CELF4: variants seen among roughly 807,000 people sequenced by gnomAD.
The protein encoded by CELF4 is CUG-BP- and ETR-3-like factor 4.
CELF4 carries 18 observed loss-of-function variants against 59.9 expected under a neutral mutation model. That is an observed-to-expected ratio of 0.30 (90% CI 0.21 to 0.45). CELF4 has a LOEUF of 0.45. Among genes scored for constraint, CELF4 ranks in the 20% least tolerant of loss-of-function variants. CELF4 has a pLI of 1.00. For missense variants in CELF4, 456 were observed against 689.0 expected, an observed-to-expected ratio of 0.66 and a Z score of 3.79; for synonymous variants, 261 against 267.1, an observed-to-expected ratio of 0.98 and a Z score of 0.22.
intron 1 of CELF4, among the ~76,000 whole-genome samples, chr18:37,503,294 GC>G (rs760921433): frequency 2.6e-5 from 4 of 152,246 alleles, no homozygotes; most frequent in Non-Finnish European, 4.4e-5. Flanking sequence ...AGCACTTGCA[GC>G]CAGAGAATAG....
At chr18:37,526,880 A>AC (rs58184451) in intron 1 of CELF4, among the ~76,000 whole-genome samples, 135,015 of 151,768 alleles carry the variant, frequency 0.89, 60,485 homozygotes, top group East Asian at 0.97. Flanking sequence ...CATTATGAAA[A>AC]CTCGATTTGC....
At chr18:37,535,264 A>T (rs1241942533) in intron 1 of CELF4, among the ~76,000 whole-genome samples, 1 of 152,252 alleles carries the variant, frequency 6.6e-6, no homozygotes, top group Non-Finnish European at 1.5e-5. Flanking sequence ...TTTAGATTAA[A>T]ATCTACATGA....
At chr18:37,506,179 C>A (rs1464894240) in intron 1 of CELF4, among the ~76,000 whole-genome samples, 1 of 152,136 alleles carries the variant, frequency 6.6e-6, no homozygotes, top group Admixed American at 6.5e-5. Flanking sequence ...TTGAAGCCCG[C>A]GATGCTCCTG....
At chr18:37,499,192 G>C (rs937673562) in intron 1 of CELF4, among the ~76,000 whole-genome samples, 6 of 152,200 alleles carry the variant, frequency 3.9e-5, no homozygotes, top group South Asian at 2.1e-4. Flanking sequence ...TTTGCTTAGA[G>C]AGTCTAGGAT....
rs1470498261 is a variant in CELF4 at position 37,565,573 on chromosome 18, G to C, written c.69C>G (p.Leu23=). Residue 23 remains leucine, a synonymous_variant, in exon 1 of 13, where the codon CTC becomes CTG. Coordinates refer to ENST00000420428, the MANE Select transcript of CELF4 (RefSeq NM_020180.4). ...ADNASLSTNG[L]GSSPGSAGHM... The stretch of plus-strand genomic sequence containing the variant: ...GCCCGGCACTGCCCGGGCTGCTGCC[G>C]AGCCCGTTGGTACTGAGGCTTGCGT... The C allele has an allele frequency of 1.2e-6, 2 of 1,614,090 alleles. No homozygotes were observed. The highest frequency in any genetic ancestry group is 2.2e-5 in the South Asian group (2 of 91,056).
At chr18:37,325,183 A>G (rs2097263936) in intron 2 of CELF4, among the ~76,000 whole-genome samples, 1 of 152,066 alleles carries the variant, frequency 6.6e-6, no homozygotes, top group African/African-American at 2.4e-5. Flanking sequence ...GCCATTCCTG[A>G]GGCAGGAGAC....
At chr18:37,297,574 T>A (rs2095730447) in intron 3 of CELF4, among the ~76,000 whole-genome samples, 1 of 152,168 alleles carries the variant, frequency 6.6e-6, no homozygotes, top group South Asian at 2.1e-4. Flanking sequence ...TTACAAACAG[T>A]GACATGCGTA....
In CELF4 at chr18:37,243,864, G is replaced by A. The variant is rs1018446456; in HGVS notation, c.*1378C>T. 2 of 180,688 alleles carry A rather than the reference G, an allele frequency of 1.1e-5. No homozygotes were observed. The highest frequency in any genetic ancestry group is 1.2e-5 in the Non-Finnish European group (1 of 85,696). The allele number at this position is 180,688 out of a possible 1,614,324, so 11.2% of individuals were successfully genotyped here. A position where few individuals can be genotyped will look rare whatever the true frequency, so the allele number is the denominator to read the frequency against. ...GGAAGGCGAGTGAAGCGGAAGGTGA[G>A]TGAAGCGCGCGCAGCTCCCAGAGGG... On this transcript the variant is annotated 3_prime_UTR_variant, in exon 13 of 13. Coordinates refer to ENST00000420428, the MANE Select transcript of CELF4 (RefSeq NM_020180.4).
chr18:37,265,356 T>A (rs1293202012), intron 9 of CELF4, among the ~76,000 whole-genome samples: 1 of 152,162 alleles, frequency 6.6e-6, no homozygotes, highest in African/African-American at 2.4e-5. Context: ...ACCACATGTG[T>A]GCATAACACA....
intron 10 of CELF4, among the ~76,000 whole-genome samples, chr18:37,264,329 A>G (rs1450039961): frequency 6.6e-6 from 1 of 152,228 alleles, no homozygotes; most frequent in South Asian, 2.1e-4. Context: ...TCATAGACCA[A>G]GGTTTTGATA....
intron 2 of CELF4, among the ~76,000 whole-genome samples, chr18:37,405,407 C>G (rs1342837799): frequency 6.6e-6 from 1 of 152,212 alleles, no homozygotes; most frequent in Non-Finnish European, 1.5e-5. Flanking sequence ...GTAACCATCC[C>G]GCCACCTCTG....
chr18:37,370,466 G>A (rs1045425488), intron 2 of CELF4, among the ~76,000 whole-genome samples: 5 of 152,026 alleles, frequency 3.3e-5, no homozygotes, highest in African/African-American at 4.8e-5. Flanking sequence ...TCTCTACAAG[G>A]GAACTTTGAG....
Position 37,253,981 on chromosome 18 carries a change from C to A in CELF4, c.1334-43G>T, listed in dbSNP as rs371854192. On this transcript the variant is annotated intron_variant, in intron 11 of 12. Coordinates refer to ENST00000420428, the MANE Select transcript of CELF4 (RefSeq NM_020180.4). This position sits in a 1 kb window ranked among gnomAD's most constrained non-coding sequence, Gnocchi z 4.5. ...ACGAGGGCCTGGGTTTCCACGGGGCCGCCCGGGGCGCTGCCGGCGGGGAGG... is the reference window on the plus strand; with the variant it reads ...ACGAGGGCCTGGGTTTCCACGGGGCAGCCCGGGGCGCTGCCGGCGGGGAGG... 96 of 1,498,688 alleles carry A rather than the reference C, an allele frequency of 6.4e-5. No homozygotes were observed. Among genetic ancestry groups the A allele is most frequent in the Non-Finnish European group, 8.4e-5 (93 of 1,113,546 alleles). 92.8% of individuals were successfully genotyped at this position (1,498,688 alleles called of 1,614,324 possible).
intron 2 of CELF4, among the ~76,000 whole-genome samples, chr18:37,466,958 C>T (rs531638130): frequency 4.4e-4 from 67 of 152,142 alleles, no homozygotes; most frequent in Non-Finnish European, 8.7e-4. Context: ...CACATGCTCA[C>T]GGGTGGGGGA....
chr18:37,450,190 A>G (rs1202958342), intron 2 of CELF4, among the ~76,000 whole-genome samples: 1 of 152,050 alleles, frequency 6.6e-6, no homozygotes, highest in Non-Finnish European at 1.5e-5. Context: ...ATGGGAGTAC[A>G]TGTGGGTATA....
At chr18:37,384,371 G>T (rs951187854) in intron 2 of CELF4, among the ~76,000 whole-genome samples, 1 of 152,154 alleles carries the variant, frequency 6.6e-6, no homozygotes, top group Admixed American at 6.5e-5. Flanking sequence ...CTCTAGGGAG[G>T]GAGGCAGAGG....
chr18:37,295,701 A>T (rs1037839157), intron 3 of CELF4, among the ~76,000 whole-genome samples: 8 of 152,258 alleles, frequency 5.3e-5, no homozygotes, highest in Non-Finnish European at 8.8e-5. Flanking sequence ...AATGGGTAGA[A>T]TATGATCTGT....
intron 2 of CELF4, among the ~76,000 whole-genome samples, chr18:37,483,954 G>A (rs148035889): frequency 1.3e-5 from 2 of 152,124 alleles, no homozygotes; most frequent in Non-Finnish European, 2.9e-5. Flanking sequence ...GTTAATGTTA[G>A]ATCCTCAACA....
At position 37,264,687 on chromosome 18, in the gene CELF4, C is replaced by A. The variant is rs1207356843; in HGVS notation, c.1236G>T (p.Gln412His). 2 of 1,576,932 alleles carry A rather than the reference C, an allele frequency of 1.3e-6. No individual in the cohort carries two copies. The highest frequency in any genetic ancestry group is 1.7e-6 in the Non-Finnish European group (2 of 1,160,448). Reference protein sequence around the residue: ...AFPQPPPMIPQQQREGPEGCN... With the variant: ...AFPQPPPMIPHQQREGPEGCN... ...CTGCAGACTCACCTTCTCTCTGCTGCTGGGGGATCATTGGAGGCGGCTGAG... is the reference window on the plus strand; with the variant it reads ...CTGCAGACTCACCTTCTCTCTGCTGATGGGGGATCATTGGAGGCGGCTGAG... The change falls in exon 10 of 13, where the codon CAG (glutamine) becomes CAT (histidine). Residue 412 changes from glutamine to histidine, a missense_variant. Physicochemically the swap from Gln to His is conservative, Grantham distance 24. Transcript: ENST00000420428.
Sources: gnomAD v4.1 joint callset for allele counts (sites outside exome capture counted in the v4.1 genomes callset) on GRCh38, gnomAD v4.1.1 for gene constraint, Gnocchi (gnomAD v3.1) non-coding constraint, MANE v1.5 for transcripts, NCBI Gene and HGNC (gene_info 2026-07-23, HGNC 2026-07-21) for gene names.